CLEC12B: variants seen among roughly 807,000 people sequenced by gnomAD.
CLEC12B encodes C-type lectin domain family 12 member B, also known as macrophage antigen h.
In CLEC12B, 25 loss-of-function variants were observed where a neutral mutation model predicts 36.1. That is an observed-to-expected ratio of 0.69 (90% CI 0.50 to 0.97). The LOEUF (loss-of-function observed/expected upper bound fraction) is 0.97, where lower values mean the gene tolerates loss of function less well. Among genes scored for constraint, CLEC12B ranks in the 50% least tolerant of loss-of-function variants. The probability of loss-of-function intolerance (pLI) is 0.00; values close to 1 mark genes in which losing one functional copy is unlikely to be tolerated. For synonymous variants in CLEC12B, 110 were observed against 108.5 expected, an observed-to-expected ratio of 1.01 and a Z score of -0.09; for missense variants, 325 against 318.4, an observed-to-expected ratio of 1.02 and a Z score of -0.16.
chr12:10,010,413 T>G (rs1250845265), upstream of CLEC12B, among the ~76,000 whole-genome samples: 1 of 152,196 alleles, frequency 6.6e-6, no homozygotes, highest in Non-Finnish European at 1.5e-5. Flanking sequence ...TCTGAAACAT[T>G]CAGAGCATCC....
At chr12:10,017,736 TAGA>T (rs1263817535) in intron 5 of CLEC12B, 4 of 879,500 alleles carry the variant, frequency 4.5e-6, no homozygotes, top group Non-Finnish European at 5.5e-6. Flanking sequence ...AAAGAAAATT[TAGA>T]TCTGACAAGT....
At chr12:10,008,248 T>C (rs1273374264), upstream of CLEC12B, among the ~76,000 whole-genome samples, 3 of 152,228 alleles carry the variant, frequency 2.0e-5, no homozygotes, top group Non-Finnish European at 4.4e-5. Context: ...TTAATTTAAT[T>C]TTAATTAATT....
Position 10,018,465 on chromosome 12 carries a change from C to G in CLEC12B, c.815C>G (p.Thr272Ser). The G allele has an allele frequency of 1.3e-6, 2 of 1,550,734 alleles. No individual in the cohort carries two copies. Among genetic ancestry groups the G allele is most frequent in the Non-Finnish European group, 1.7e-6 (2 of 1,146,584 alleles). The change falls in exon 6 of 6, where the codon ACT becomes AGT. Residue 272 changes from threonine (T) to serine (S), a missense_variant. Physicochemically the swap from Thr to Ser is moderately conservative, Grantham distance 58. Transcript: ENST00000338896. ...GAGAAGACAGCTGCCCCAGTGAAGA[C>G]TGAGGATTTGGATTAGTATGCTTCT... ...ICEKTAAPVKTEDLD is the reference protein window; with the variant it reads ...ICEKTAAPVKSEDLD
chr12:10,016,018 T>C, intron 5 of CLEC12B: 1 of 1,049,114 alleles, frequency 9.5e-7, no homozygotes, highest in Non-Finnish European at 1.2e-6. Flanking sequence ...AAGAAAGCAG[T>C]TATATTCCCA....
At chr12:10,007,811 G>C (rs1036185343), upstream of CLEC12B, among the ~76,000 whole-genome samples, 2 of 152,216 alleles carry the variant, frequency 1.3e-5, no homozygotes, top group African/African-American at 4.8e-5. Flanking sequence ...TGAATGAAGA[G>C]GTAAGCAAGG....
chr12:10,010,214 A>T (rs1180208646), upstream of CLEC12B, among the ~76,000 whole-genome samples: 7 of 151,622 alleles, frequency 4.6e-5, no homozygotes, highest in Middle Eastern at 3.4e-3. Flanking sequence ...ACACACACAC[A>T]CACACACACA....
upstream of CLEC12B, among the ~76,000 whole-genome samples, chr12:10,009,851 G>A (rs1312607451): frequency 6.6e-6 from 1 of 152,100 alleles, no homozygotes; most frequent in Non-Finnish European, 1.5e-5. Context: ...CCAAAGGAAA[G>A]CTTTAGAGGA....
At chr12:10,014,225 A>G (rs555975368) in intron 2 of CLEC12B, among the ~76,000 whole-genome samples, 1 of 152,166 alleles carries the variant, frequency 6.6e-6, no homozygotes, top group Non-Finnish European at 1.5e-5. Context: ...CAAAAATAAA[A>G]CAATTTCATG....
At position 10,018,695 on chromosome 12, in the gene CLEC12B, G is replaced by T; in HGVS notation, c.*214G>T. 5.9e-6 allele frequency: 3 copies of T among 508,700 alleles called. No individual in the cohort carries two copies. Among genetic ancestry groups the T allele is most frequent in the Non-Finnish European group, 1.0e-5 (3 of 291,006 alleles). The allele number at this position is 508,700 out of a possible 1,614,324, so 31.5% of individuals were successfully genotyped here. On this transcript the variant is annotated 3_prime_UTR_variant, in exon 6 of 6. Coordinates refer to ENST00000338896, the MANE Select transcript of CLEC12B (RefSeq NM_001129998.3). ...TATTCGGTCTTAAAATTATACCTGG[G>T]GACAAAGGGGAATAGCCATACTATG...
chr12:10,009,071 A>G (rs1019660385), upstream of CLEC12B, among the ~76,000 whole-genome samples: 1 of 152,198 alleles, frequency 6.6e-6, no homozygotes, highest in Admixed American at 6.5e-5. Context: ...GAGGATTGAA[A>G]AAAGGTCAGT....
Position 10,018,335 on chromosome 12 carries a change from A to G in CLEC12B, c.685A>G (p.Ser229Gly). 7.0e-7 allele frequency: 1 copy of G among 1,436,418 alleles called. No homozygotes were observed. Among genetic ancestry groups the G allele is most frequent in the South Asian group, 1.3e-5 (1 of 74,116 alleles). 89.0% of individuals were successfully genotyped at this position (1,436,418 alleles called of 1,614,324 possible). A position where few individuals can be genotyped will look rare whatever the true frequency, so the allele number is the denominator to read the frequency against. The change falls in exon 6 of 6, where the codon AGT becomes GGT. Residue 229 changes from serine to glycine, a missense_variant. By Grantham distance (56) the Ser-to-Gly change is moderately conservative. Transcript: ENST00000338896. The stretch of plus-strand genomic sequence containing the variant: ...TAATTTTAAATTAATTTTCAGATTT[A>G]GTACTAAAGAACTTGACCAGATCAA... Reference protein sequence around the residue: ...DGSVPSPSLFSTKELDQINGS... With the variant: ...DGSVPSPSLFGTKELDQINGS...
upstream of CLEC12B, among the ~76,000 whole-genome samples, chr12:10,010,194 T>TCACACA (rs1865291990): frequency 1.5e-5 from 1 of 65,690 alleles, no homozygotes; most frequent in African/African-American, 5.0e-5. Context: ...TCTCTCTGTC[T>TCACACA]CTCTCTCACA....
Position 10,014,619 on chromosome 12 carries a change from TG to T in CLEC12B, c.290del (p.Gly97AlafsTer21), listed in dbSNP as rs754324076. On this transcript the variant is annotated frameshift_variant, in exon 3 of 6. Transcript: ENST00000338896. LOFTEE classifies it high-confidence loss of function. Reference sequence around the variant, plus strand: ...CAGCAGGATAACTTATCCCAGCAACTGGGCAACTCCAACAACTTGTCCATGG... The same window carrying T: ...CAGCAGGATAACTTATCCCAGCAACTGGCAACTCCAACAACTTGTCCATGG... Reference protein sequence around the residue: ...QQQQDNLSQQLGNSNNLSMEE... With the variant: ...QQQQDNLSQQXGNSNNLSMEE... 6.8e-6 allele frequency: 11 copies of T among 1,613,704 alleles called. No homozygotes were observed. The highest frequency in any genetic ancestry group is 9.3e-6 in the Non-Finnish European group (11 of 1,179,768).
intron 5 of CLEC12B, chr12:10,016,563 T>G (rs1865491533): frequency 3.5e-6 from 1 of 288,698 alleles, no homozygotes; most frequent in South Asian, 1.3e-4. Context: ...ACAACTGTAT[T>G]AATATTTTAA....
chr12:10,011,231 C>T (rs917383095), intron 1 of CLEC12B, among the ~76,000 whole-genome samples: 4 of 152,050 alleles, frequency 2.6e-5, no homozygotes, highest in East Asian at 1.9e-4. Context: ...AGGTAGAGGA[C>T]GTTTTTCTTT....
upstream of CLEC12B, among the ~76,000 whole-genome samples, chr12:10,010,000 T>C (rs548932541): frequency 2.6e-5 from 4 of 152,332 alleles, no homozygotes; most frequent in African/African-American, 9.6e-5. Flanking sequence ...AATCTTGTCC[T>C]GTGTATTCCT....
intron 5 of CLEC12B, chr12:10,017,600 T>C (rs1167327169): frequency 4.1e-6 from 4 of 985,640 alleles, no homozygotes; most frequent in African/African-American, 1.7e-5. Flanking sequence ...AGCTTCCAGA[T>C]TGCATAGCCA....
At chr12:10,012,124 C>T (rs1315511847) in intron 1 of CLEC12B, among the ~76,000 whole-genome samples, 3 of 152,130 alleles carry the variant, frequency 2.0e-5, no homozygotes, top group Non-Finnish European at 2.9e-5. Flanking sequence ...ATTCAGTATT[C>T]ATTCATTATT....
chr12:10,006,781 C>T (rs577965851), upstream of CLEC12B, among the ~76,000 whole-genome samples: 2 of 152,146 alleles, frequency 1.3e-5, no homozygotes, highest in African/African-American at 4.8e-5. Flanking sequence ...AAGGGCCAGG[C>T]GTGGTGGCTC....
Sources: gnomAD v4.1 joint callset for allele counts (sites outside exome capture counted in the v4.1 genomes callset) on GRCh38, gnomAD v4.1.1 for gene constraint, MANE v1.5 for transcripts, NCBI Gene and HGNC (gene_info 2026-07-23, HGNC 2026-07-21) for gene names.